ERMARD: variants seen among roughly 807,000 people sequenced by gnomAD.
ERMARD encodes the protein ER membrane associated RNA degradation, also known as endoplasmic reticulum membrane-associated RNA degradation protein.
In ERMARD, 71 loss-of-function variants were observed where a neutral mutation model predicts 83.9. The observed-to-expected ratio is 0.85, with a 90% CI of 0.70 to 1.03. The LOEUF is 1.03. Ranked by LOEUF, ERMARD falls within the 50% of genes least tolerant of loss-of-function variation. ERMARD has a pLI of 0.00. For synonymous variants in ERMARD, 284 were observed against 298.6 expected (o/e 0.95, Z 0.50); for missense variants, 838 against 810.9 (o/e 1.03, Z -0.41).
chr6:169,761,215 A>G (rs573554595), intron 8 of ERMARD, among the ~76,000 whole-genome samples: 2 of 152,064 alleles, frequency 1.3e-5, no homozygotes, highest in South Asian at 4.2e-4. Flanking sequence ...TGGGATGTGC[A>G]TTTTTGTTTT....
chr6:169,762,592 C>G, intron 9 of ERMARD, 61 bp downstream of exon 9: 1 of 1,398,680 alleles, frequency 7.1e-7, no homozygotes, highest in Non-Finnish European at 9.9e-7. Flanking sequence ...TTTCTGTTAC[C>G]AATTAAAAGT....
At chr6:169,775,174 C>T (rs532216633) in intron 13 of ERMARD, 96 bp from the exon 14 acceptor site, 17 of 1,222,192 alleles carry the variant, frequency 1.4e-5, no homozygotes, top group East Asian at 2.5e-5. Flanking sequence ...TAATAATTTA[C>T]GTATTTTCTA....
rs143068629 is a variant in ERMARD at position 169,754,738 on chromosome 6, A to G, written c.176-545A>G. 2.6e-5 allele frequency among the ~76,000 whole-genome samples: 4 copies of G among 152,348 alleles called. 1 individual carries two copies. The highest frequency in any genetic ancestry group is 5.9e-5 in the Non-Finnish European group (4 of 68,046). ...TGGAAAAAGAATAGGAGGGGCATGT[A>G]TTTGTAATTACCCTTTGGTATTCAT... On this transcript the variant is annotated intron_variant, in intron 2 of 17. Transcript: ENST00000366773.
At chr6:169,781,205 G>T in intron 17 of ERMARD, 125 bp from the exon 18 acceptor site, 3 of 842,024 alleles carry the variant, frequency 3.6e-6, no homozygotes, top group South Asian at 4.1e-5. Flanking sequence ...TATTTTTCTT[G>T]AATCCTCAGA....
Position 169,781,556 on chromosome 6 carries a change from C to T in ERMARD, c.*43C>T. 6 of 1,534,694 alleles carry T rather than the reference C, an allele frequency of 3.9e-6. No individual in the cohort carries two copies. The highest frequency in any genetic ancestry group is 5.3e-6 in the Non-Finnish European group (6 of 1,138,980). ...TGCTTTTAATTTTAACAGATTTTAA[C>T]AGCGTGTAAATTAAAAACCCAAAGA... On this transcript the variant is annotated 3_prime_UTR_variant, in exon 18 of 18. Transcript: ENST00000366773.
At position 169,773,338 on chromosome 6, in the gene ERMARD, T is replaced by A; in HGVS notation, c.1253T>A (p.Leu418Ter). The change falls in exon 13 of 18, where the codon TTG becomes TAG. Residue 418 changes from leucine (L) to a stop codon, truncating the protein, a stop_gained. Transcript: ENST00000366773. LOFTEE classifies it high-confidence loss of function. ...CACTAGGAAAAATCAGCCGTAGAATTGTTGATTAGTCTTGCAGAAGGCTAT... is the reference window on the plus strand; with the variant it reads ...CACTAGGAAAAATCAGCCGTAGAATAGTTGATTAGTCTTGCAGAAGGCTAT... The part of the protein sequence containing the change: ...SVFKEKSAVE[L>*]LISLAEGYSS... The A allele has an allele frequency of 6.2e-7, 1 of 1,614,062 alleles. No individual in the cohort carries two copies. The highest frequency in any genetic ancestry group is 8.5e-7 in the Non-Finnish European group (1 of 1,179,988).
At chr6:169,752,089 G>A (rs1790191546) in intron 1 of ERMARD, among the ~76,000 whole-genome samples, 2 of 152,222 alleles carry the variant, frequency 1.3e-5, no homozygotes, top group African/African-American at 4.8e-5. Flanking sequence ...GCCGGGCGTG[G>A]TGGGGCCTGT....
intron 2 of ERMARD, among the ~76,000 whole-genome samples, chr6:169,754,381 G>C (rs1320466571): frequency 6.6e-6 from 1 of 152,136 alleles, no homozygotes; most frequent in Non-Finnish European, 1.5e-5. Flanking sequence ...AGATTATACA[G>C]TTATTTTAAG....
Position 169,760,750 on chromosome 6 carries a change from C to G in ERMARD, c.851C>G (p.Ser284Ter). ...YWEVALVKFK[S>*]HRFADCAILL... Reference sequence around the variant, plus strand: ...GAAGTTGCACTGGTCAAGTTCAAGTCACACAGGTAACTAAAGGGTACATGG... The same window carrying G: ...GAAGTTGCACTGGTCAAGTTCAAGTGACACAGGTAACTAAAGGGTACATGG... Residue 284 changes from serine (S) to a stop codon, truncating the protein, a stop_gained, in exon 8 of 18, where the codon TCA becomes TGA. Coordinates refer to ENST00000366773, the MANE Select transcript of ERMARD (RefSeq NM_018341.3). LOFTEE classifies it high-confidence loss of function. 1 of 1,609,636 alleles carries G rather than the reference C, an allele frequency of 6.2e-7. No homozygotes were observed. The highest frequency in any genetic ancestry group is 8.5e-7 in the Non-Finnish European group (1 of 1,176,134).
At chr6:169,773,287 C>T in intron 12 of ERMARD, 32 bp from the exon 13 acceptor site, 3 of 1,602,222 alleles carry the variant, frequency 1.9e-6, no homozygotes, top group Non-Finnish European at 2.6e-6. Context: ...CCCACCCAAA[C>T]ATGATAGTAA....
At chr6:169,779,364 G>A (rs1249220962) in intron 17 of ERMARD, 69 bp downstream of exon 17, 6 of 1,358,598 alleles carry the variant, frequency 4.4e-6, no homozygotes, top group Non-Finnish European at 6.3e-6. Flanking sequence ...GCCTGTAGGA[G>A]TGAGATTGGG....
At chr6:169,770,046 C>T (rs1000564324) in intron 12 of ERMARD, among the ~76,000 whole-genome samples, 4 of 152,106 alleles carry the variant, frequency 2.6e-5, no homozygotes, top group South Asian at 2.1e-4. Flanking sequence ...TTTGCTAAAT[C>T]GATGGGGTAG....
intron 17 of ERMARD, among the ~76,000 whole-genome samples, chr6:169,779,948 G>C (rs975693375): frequency 3.9e-5 from 6 of 152,228 alleles, no homozygotes; most frequent in Non-Finnish European, 8.8e-5. Flanking sequence ...ATCTGGGCTT[G>C]AGTGTAGCTC....
rs549431183 is a variant in ERMARD at position 169,779,313 on chromosome 6, T to C, written c.1853+18T>C. On this transcript the variant is annotated intron_variant, in intron 17 of 17. Transcript: ENST00000366773. ...TACCTAAAGTAAGTGTGTCACAGTATGTCTGCAGTCACATTGCATCGTGGG... is the reference window on the plus strand; with the variant it reads ...TACCTAAAGTAAGTGTGTCACAGTACGTCTGCAGTCACATTGCATCGTGGG... 4 of 1,603,510 alleles carry C rather than the reference T, an allele frequency of 2.5e-6. No homozygotes were observed. The highest frequency in any genetic ancestry group is 2.2e-5 in the South Asian group (2 of 90,900).
At chr6:169,779,078 A>G (rs1397959089) in intron 16 of ERMARD, 104 bp from the exon 17 acceptor site, 2 of 1,000,892 alleles carry the variant, frequency 2.0e-6, no homozygotes, top group East Asian at 2.5e-5. Context: ...TTTTTTGAGA[A>G]GTTGGGACTT....
At chr6:169,758,247 A>G (rs1791063163) in intron 5 of ERMARD, among the ~76,000 whole-genome samples, 1 of 152,168 alleles carries the variant, frequency 6.6e-6, no homozygotes, top group South Asian at 2.1e-4. Flanking sequence ...GCTCAACCAT[A>G]CTTTCTCCTA....
At position 169,773,477 on chromosome 6, in the gene ERMARD, G is replaced by A. The variant is rs1793219829; in HGVS notation, c.1317+75G>A. 5.5e-6 allele frequency: 8 copies of A among 1,465,024 alleles called. No homozygotes were observed. In the South Asian group the frequency reaches 8.1e-5, roughly 15 times the overall value. The allele number at this position is 1,465,024 out of a possible 1,614,324, so 90.8% of individuals were successfully genotyped here. ...CCTGTCTTCTGCAGAGATGCTGGAAGGGTGCAGTTTGCTTGCTGAGTCAGA... is the reference window on the plus strand; with the variant it reads ...CCTGTCTTCTGCAGAGATGCTGGAAAGGTGCAGTTTGCTTGCTGAGTCAGA... On this transcript the variant is annotated intron_variant, in intron 13 of 17. Coordinates refer to ENST00000366773, the MANE Select transcript of ERMARD (RefSeq NM_018341.3).
chr6:169,752,277 G>T (rs889730148), intron 1 of ERMARD, among the ~76,000 whole-genome samples: 1 of 152,184 alleles, frequency 6.6e-6, no homozygotes, highest in Non-Finnish European at 1.5e-5. Flanking sequence ...TGCTTTTCAT[G>T]TGTTATCTGA....
Position 169,761,871 on chromosome 6 carries a change from C to CG in ERMARD, c.858-554dup, listed in dbSNP as rs1791601202. ...CTGATTTTTGTATTTTTAGTAGAGA[C>CG]GGGGTTTCGTCACATTGGTCAGGCT... On this transcript the variant is annotated intron_variant, in intron 8 of 17. Transcript: ENST00000366773. Among the ~76,000 whole-genome samples the CG allele has an allele frequency of 2.0e-5, 3 of 151,808 alleles. No homozygotes were observed. In the South Asian group the frequency reaches 6.2e-4, roughly 32 times the overall value.
Sources: allele counts gnomAD v4.1 joint callset (sites outside exome capture counted in the v4.1 genomes callset), GRCh38; gene constraint gnomAD v4.1.1; transcripts MANE v1.5; gene names NCBI Gene and HGNC (gene_info 2026-07-23, HGNC 2026-07-21).